PHACTR4: variants seen among roughly 807,000 people sequenced by gnomAD.
The protein encoded by PHACTR4 is protein phosphatase 1, regulatory subunit 124.
PHACTR4 carries 51 observed loss-of-function variants against 72.7 expected under a neutral mutation model. The ratio of observed to expected loss-of-function variants is 0.70; its 90% CI spans 0.56 to 0.89. The LOEUF (loss-of-function observed/expected upper bound fraction) is 0.89. Among genes scored for constraint, PHACTR4 ranks in the 40% least tolerant of loss-of-function variants. PHACTR4 has a pLI of 0.00. For synonymous variants in PHACTR4, 255 were observed against 302.5 expected, an observed-to-expected ratio of 0.84 and a Z score of 1.63; for missense variants, 731 against 861.8, an observed-to-expected ratio of 0.85 and a Z score of 1.90.
In PHACTR4 at chr1:28,381,769, G is replaced by A. The variant is rs149796141; in HGVS notation, c.-39+11944G>A. Among the ~76,000 whole-genome samples the A allele has an allele frequency of 6.9e-3, 1,045 of 152,018 alleles. 7 individuals are homozygous for A. The highest frequency in any genetic ancestry group is 0.011 in the Non-Finnish European group (715 of 67,984). On this transcript the variant is annotated intron_variant, in intron 1 of 13. Coordinates refer to ENST00000373839, the MANE Select transcript of PHACTR4 (RefSeq NM_001048183.3). ...AAAATGTCAGTTCATGTCCTTTGCC[G>A]ACTTTTTTCTTGTTTCTTTTTGAGA...
intron 1 of PHACTR4, among the ~76,000 whole-genome samples, chr1:28,397,979 C>A (rs61283881): frequency 0.39 from 58,532 of 151,612 alleles, 12,996 homozygotes; most frequent in African/African-American, 0.6. Flanking sequence ...TCCCAAAGTG[C>A]TGGGATTACA....
chr1:28,443,321 A>G (rs1214185575), intron 2 of PHACTR4, among the ~76,000 whole-genome samples: 3 of 145,984 alleles, frequency 2.1e-5, no homozygotes, highest in African/African-American at 7.7e-5. Flanking sequence ...CAACTCTGTC[A>G]CCGAGGCTGG....
At chr1:28,430,506 C>T (rs1411376261) in intron 2 of PHACTR4, among the ~76,000 whole-genome samples, 3 of 152,138 alleles carry the variant, frequency 2.0e-5, no homozygotes. Flanking sequence ...ATGTTACCTC[C>T]CTTAACTATC....
In PHACTR4 at chr1:28,466,738, C is replaced by T. The variant is rs1206603979; in HGVS notation, c.793C>T (p.Pro265Ser). The change falls in exon 6 of 14, where the codon CCA becomes TCA. Residue 265 changes from proline (P) to serine (S), a missense_variant. Coordinates refer to ENST00000373839, the MANE Select transcript of PHACTR4 (RefSeq NM_001048183.3). Reference protein sequence around the residue: ...AKQPPIPPPKPAHRNSNPVIA... With the variant: ...AKQPPIPPPKSAHRNSNPVIA... ...GCAGCCCCCTATCCCTCCCCCTAAA[C>T]CAGCTCACAGAAATAGCAACCCTGT... 8 of 1,612,794 alleles carry T rather than the reference C, an allele frequency of 5.0e-6. No homozygotes were observed. In the African/African-American group the frequency reaches 1.1e-4, roughly 22 times the overall value.
rs1557834297 is a variant in PHACTR4, at chr1:28,466,586, C to T, written c.641C>T (p.Ala214Val). Residue 214 changes from alanine to valine, a missense_variant, in exon 6 of 14, where the codon GCC becomes GTC. Transcript: ENST00000373839. ...ITTAPAATTA[A>V]TSLAKTVNLS... ...ACAGCACCCGCTGCCACCACTGCTG[C>T]CACAAGCCTTGCAAAGACTGTTAAT... 1 of 1,614,156 alleles carries T rather than the reference C, an allele frequency of 6.2e-7. No homozygotes were observed.
chr1:28,480,959 AT>A (rs1220048477), intron 9 of PHACTR4, among the ~76,000 whole-genome samples: 1 of 152,042 alleles, frequency 6.6e-6, no homozygotes, highest in African/African-American at 2.4e-5. Flanking sequence ...AAGTGCTGGG[AT>A]TACAGGCATG....
chr1:28,394,251 TAA>T (rs552494493), intron 1 of PHACTR4, among the ~76,000 whole-genome samples: 39 of 53,278 alleles, frequency 7.3e-4, no homozygotes, highest in Middle Eastern at 0.011. Context: ...TTTTAGAAAG[TAA>T]AAAAAAAAAA....
chr1:28,453,819 CAG>C, intron 2 of PHACTR4: 4 of 883,028 alleles, frequency 4.5e-6, no homozygotes, highest in Non-Finnish European at 7.5e-6. Context: ...ATGATGCTGA[CAG>C]AGCACAAAAG....
intron 13 of PHACTR4, 33 bp from the exon 14 acceptor site, chr1:28,496,501 G>T (rs768788259): frequency 6.2e-6 from 10 of 1,610,940 alleles, no homozygotes; most frequent in Non-Finnish European, 8.5e-6. Flanking sequence ...TGTACATCAT[G>T]TGGTAACTTG....
chr1:28,478,261 A>G (rs1306693283), intron 8 of PHACTR4, among the ~76,000 whole-genome samples: 2 of 152,154 alleles, frequency 1.3e-5, no homozygotes, highest in East Asian at 1.9e-4. Flanking sequence ...ATAATCTTCA[A>G]TTGTGTATAT....
chr1:28,465,836 A>G lies in PHACTR4; in HGVS notation c.423A>G (p.Leu141=). ...SLRKAIPEED[L]KKRLGSTGSQ... ...GGAAAGCTATTCCAGAAGAGGACCT[A>G]AAGAAACGACTAGGTAAGAAACTCT... The change falls in exon 5 of 14, where the codon CTA becomes CTG. Residue 141 remains leucine, a synonymous_variant. Transcript: ENST00000373839. The G allele has an allele frequency of 6.2e-7, 1 of 1,608,208 alleles. No homozygotes were observed. Among genetic ancestry groups the G allele is most frequent in the Non-Finnish European group, 8.5e-7 (1 of 1,178,414 alleles).
intron 1 of PHACTR4, among the ~76,000 whole-genome samples, chr1:28,386,910 A>G (rs936279384): frequency 1.3e-5 from 2 of 152,162 alleles, no homozygotes; most frequent in Non-Finnish European, 2.9e-5. Context: ...CTCATAGAGA[A>G]ATGGTTGTTC....
chr1:28,450,352 C>G (rs961720886), intron 2 of PHACTR4, among the ~76,000 whole-genome samples: 1 of 148,328 alleles, frequency 6.7e-6, no homozygotes, highest in Admixed American at 6.8e-5. Context: ...AATGCCATAA[C>G]TAGTTTAAAC....
chr1:28,476,411 C>A, intron 8 of PHACTR4, 120 bp downstream of exon 8: 1 of 1,033,332 alleles, frequency 9.7e-7, no homozygotes, highest in Non-Finnish European at 1.3e-6. Flanking sequence ...AGTCATCTGG[C>A]TAACTGATGT....
At chr1:28,424,789 G>GT (rs929799831) in intron 2 of PHACTR4, among the ~76,000 whole-genome samples, 27 of 149,390 alleles carry the variant, frequency 1.8e-4, no homozygotes, top group Non-Finnish European at 3.4e-4. Flanking sequence ...TGGCTGGCCT[G>GT]TTTTTTTGTT....
At chr1:28,437,114 C>T (rs1331422317) in intron 2 of PHACTR4, among the ~76,000 whole-genome samples, 1 of 152,202 alleles carries the variant, frequency 6.6e-6, no homozygotes, top group Non-Finnish European at 1.5e-5. Flanking sequence ...TGCCCACCTA[C>T]AGGTAGGAAA....
At chr1:28,453,629 G>A in intron 2 of PHACTR4, 1 of 1,253,424 alleles carries the variant, frequency 8.0e-7, no homozygotes, top group Admixed American at 1.9e-5. Flanking sequence ...GAAACAAATA[G>A]AGAAGAGAGA....
intron 9 of PHACTR4, among the ~76,000 whole-genome samples, chr1:28,483,821 AGAG>A (rs1227855584): frequency 5.4e-5 from 6 of 110,574 alleles, no homozygotes; most frequent in Non-Finnish European, 1.1e-4. Flanking sequence ...AAAAAAAAAG[AGAG>A]AGATAAATCA....
chr1:28,425,599 A>C (rs1655787993), intron 2 of PHACTR4, among the ~76,000 whole-genome samples: 2 of 152,214 alleles, frequency 1.3e-5, no homozygotes, highest in Admixed American at 6.5e-5. Flanking sequence ...CTGGAAAATG[A>C]TATTGTTTAA....
Sources: allele counts gnomAD v4.1 joint callset (sites outside exome capture counted in the v4.1 genomes callset), GRCh38; gene constraint gnomAD v4.1.1; transcripts MANE v1.5; gene names NCBI Gene and HGNC (gene_info 2026-07-23, HGNC 2026-07-21).